The following FLI1 variants were observed in gnomAD, a reference collection of about 807,000 sequenced individuals.
The protein encoded by FLI1 is Friend leukemia integration 1 transcription factor.
Under a neutral mutation model 53.1 loss-of-function variants are expected in FLI1, and 13 were observed. That is an observed-to-expected ratio of 0.24 (90% CI 0.16 to 0.39). The LOEUF is 0.39. FLI1 is among the 10% of genes least tolerant of loss of function. FLI1 has a pLI of 1.00. For synonymous variants in FLI1, 244 were observed against 236.7 expected (o/e 1.03, Z -0.28); for missense variants, 424 against 600.5 (o/e 0.71, Z 3.07).
At chr11:128,802,449 C>G (rs989825574) in intron 5 of FLI1, among the ~76,000 whole-genome samples, 16 of 152,346 alleles carry the variant, frequency 1.1e-4, no homozygotes, top group African/African-American at 3.4e-4. Flanking sequence ...CTTTGCTACT[C>G]TGACTCCACA....
At chr11:128,729,271 C>T (rs987187850) in intron 1 of FLI1, among the ~76,000 whole-genome samples, 1 of 152,176 alleles carries the variant, frequency 6.6e-6, no homozygotes, top group African/African-American at 2.4e-5. Context: ...CAACCATGTT[C>T]GCATTTCAAG....
intron 3 of FLI1, among the ~76,000 whole-genome samples, chr11:128,771,861 T>C (rs557737593): frequency 9.8e-5 from 15 of 152,304 alleles, no homozygotes; most frequent in African/African-American, 3.1e-4. Flanking sequence ...GCAAGCGTCA[T>C]GTAATTTTCT....
chr11:128,769,448 G>A (rs1016470403), intron 3 of FLI1, among the ~76,000 whole-genome samples: 2 of 152,150 alleles, frequency 1.3e-5, no homozygotes. Flanking sequence ...TAGTCCGAAG[G>A]CATCTGCTTG....
At chr11:128,710,016 T>C (rs1299025420) in intron 1 of FLI1, among the ~76,000 whole-genome samples, 1 of 152,262 alleles carries the variant, frequency 6.6e-6, no homozygotes, top group Admixed American at 6.5e-5. Flanking sequence ...GCCTTGAAGA[T>C]GATCCTCTTT....
At chr11:128,736,050 C>T (rs1048656616) in intron 1 of FLI1, among the ~76,000 whole-genome samples, 2 of 152,152 alleles carry the variant, frequency 1.3e-5, no homozygotes, top group East Asian at 1.9e-4. Flanking sequence ...TAGACATGAT[C>T]GATGAGGCTA....
At chr11:128,693,690 G>A (rs1404313655), upstream of FLI1, 2 of 232,976 alleles carry the variant, frequency 8.6e-6, no homozygotes, top group Non-Finnish European at 1.7e-5. Context: ...AGGTGATGGG[G>A]GGAGGTTCAG....
At chr11:128,768,356 A>G (rs1174494935) in intron 3 of FLI1, 84 bp downstream of exon 3, 7 of 1,529,726 alleles carry the variant, frequency 4.6e-6, no homozygotes, top group Non-Finnish European at 4.5e-6. Flanking sequence ...TTTATCTGAT[A>G]CTCTATTCCC....
chr11:128,722,578 C>G (rs894525910), intron 1 of FLI1, among the ~76,000 whole-genome samples: 4 of 152,180 alleles, frequency 2.6e-5, no homozygotes, highest in Non-Finnish European at 5.9e-5. Flanking sequence ...GTATTTGAAC[C>G]AAGAGATTTG....
chr11:128,687,541 A>G (rs549417663), intron 1 of FLI1, among the ~76,000 whole-genome samples: 1 of 151,968 alleles, frequency 6.6e-6, no homozygotes, highest in African/African-American at 2.4e-5. Context: ...AAACACCCGC[A>G]TACTTTTCCC....
chr11:128,800,697 G>A (rs569973871), intron 5 of FLI1, among the ~76,000 whole-genome samples: 1 of 152,282 alleles, frequency 6.6e-6, no homozygotes, highest in African/African-American at 2.4e-5. Context: ...AGGCCATTTA[G>A]TGTCAAATTC....
chr11:128,758,007 A>C, intron 1 of FLI1, 108 bp from the exon 2 acceptor site: 2 of 923,428 alleles, frequency 2.2e-6, no homozygotes, highest in Non-Finnish European at 3.3e-6. Flanking sequence ...ACTTCCAGAC[A>C]AGCTGTCCTG....
chr11:128,772,748 G>A (rs778250411), intron 3 of FLI1, 34 bp from the exon 4 acceptor site: 5 of 1,589,592 alleles, frequency 3.1e-6, no homozygotes, highest in Non-Finnish European at 4.3e-6. Context: ...CTACCTTCCT[G>A]CAGTCCTTGC....
chr11:128,749,562 C>T (rs935223258), intron 1 of FLI1, among the ~76,000 whole-genome samples: 3 of 152,148 alleles, frequency 2.0e-5, no homozygotes, highest in Non-Finnish European at 2.9e-5. Flanking sequence ...CCGGAAGTCA[C>T]GCAAGGCCAT....
intron 1 of FLI1, among the ~76,000 whole-genome samples, chr11:128,748,065 G>A (rs368771329): frequency 4.6e-5 from 7 of 152,212 alleles, no homozygotes; most frequent in Admixed American, 6.5e-5. Context: ...AGCACTGAAC[G>A]GGAGGCCCGT....
At chr11:128,726,171 C>T (rs932354714) in intron 1 of FLI1, among the ~76,000 whole-genome samples, 2 of 152,192 alleles carry the variant, frequency 1.3e-5, no homozygotes, top group African/African-American at 2.4e-5. Context: ...GACTGGCAGA[C>T]ATAAATCTCC....
At chr11:128,687,114 G>A (rs1025985909) in intron 1 of FLI1, among the ~76,000 whole-genome samples, 2 of 152,250 alleles carry the variant, frequency 1.3e-5, no homozygotes, top group African/African-American at 2.4e-5. Context: ...TTGCATGTGG[G>A]CGTGTGTATG....
chr11:128,714,835 T>C (rs1312175536), intron 1 of FLI1, among the ~76,000 whole-genome samples: 1 of 151,350 alleles, frequency 6.6e-6, no homozygotes, highest in Non-Finnish European at 1.5e-5. Context: ...CAGCCTTCCG[T>C]GTAGCTTGGA....
chr11:128,699,859 G>C (rs1938246575), intron 1 of FLI1, among the ~76,000 whole-genome samples: 2 of 152,192 alleles, frequency 1.3e-5, no homozygotes, highest in African/African-American at 4.8e-5. Context: ...TGCAAAGCTA[G>C]CTGGCCTTAT....
intron 1 of FLI1, among the ~76,000 whole-genome samples, chr11:128,698,276 T>A (rs923908709): frequency 2.0e-5 from 3 of 152,212 alleles, no homozygotes; most frequent in African/African-American, 7.2e-5. Context: ...CACCTTGTAA[T>A]CTCCATGTCA....
Sources: gnomAD v4.1 joint callset for allele counts (sites outside exome capture counted in the v4.1 genomes callset) on GRCh38, gnomAD v4.1.1 for gene constraint, MANE v1.5 for transcripts, NCBI Gene and HGNC (gene_info 2026-07-23, HGNC 2026-07-21) for gene names.